MYO1F: variants seen among roughly 807,000 people sequenced by gnomAD.
MYO1F encodes the protein myosin IF.
A neutral mutation model predicts 146.6 loss-of-function variants in MYO1F; 60 were observed. The ratio of observed to expected loss-of-function variants is 0.41; its 90% confidence interval spans 0.33 to 0.51. The LOEUF is 0.51. MYO1F is among the 20% of genes least tolerant of loss of function. The pLI is 0.25. For missense variants in MYO1F, 1,274 were observed against 1,534.3 expected, an observed-to-expected ratio of 0.83 and a Z score of 2.83; for synonymous variants, 602 against 602.1, an observed-to-expected ratio of 1.00 and a Z score of 0.00.
At chr19:8,521,673 C>A in intron 27 of MYO1F, 69 bp from the exon 28 acceptor site, 1 of 1,438,870 alleles carries the variant, frequency 6.9e-7, no homozygotes. Context: ...CCTGGTCTGT[C>A]CATCTTGTTC....
chr19:8,535,006 G>T (rs956632820), intron 19 of MYO1F, among the ~76,000 whole-genome samples: 13 of 151,976 alleles, frequency 8.6e-5, no homozygotes, highest in African/African-American at 3.1e-4. Flanking sequence ...CTGCCTCCTG[G>T]GTTAAAGTGA....
rs1357494338 is a variant in MYO1F, at chr19:8,530,285, C to G, written c.2239G>C (p.Glu747Gln). 2.5e-6 allele frequency: 4 copies of G among 1,614,052 alleles called. No homozygotes were observed. The highest frequency in any genetic ancestry group is 2.5e-6 in the Non-Finnish European group (3 of 1,180,034). Residue 747 changes from glutamate (E) to glutamine (Q), a missense_variant, in exon 21 of 28, where the codon GAG becomes CAG. Glu to Gln is a conservative substitution (Grantham distance 29). This residue lies in a region of MYO1F where 900 missense variants were observed against 1,155.1 expected (regional missense o/e 0.78). Transcript: ENST00000644032. This position sits in a 1 kb window ranked among gnomAD's most constrained non-coding sequence, Gnocchi z 5.8. ...RNFVGDYLGLEERPELRQFLG... is the reference protein window; with the variant it reads ...RNFVGDYLGLQERPELRQFLG... ...AACTGACGCAGCTCGGGCCGCTCCT[C>G]CAGCCCCAGGTAGTCCCCGACGAAG...
chr19:8,566,630 C>T (rs2042010214), intron 1 of MYO1F, among the ~76,000 whole-genome samples: 1 of 151,530 alleles, frequency 6.6e-6, no homozygotes, highest in South Asian at 2.1e-4. Flanking sequence ...TCTCCTGCCT[C>T]AGTTTCCCAA....
chr19:8,544,278 G>A lies in MYO1F; in HGVS notation c.1524+19C>T, dbSNP rs751868286. ...GGTCTGCGAGGAGGCACAGGGTAGG[G>A]TAGGGGCAGGGGGCGCACCTTGCCA... On this transcript the variant is annotated intron_variant, in intron 14 of 27. Transcript: ENST00000644032. The A allele has an allele frequency of 1.9e-6, 3 of 1,612,358 alleles. No individual in the cohort carries two copies. Among genetic ancestry groups the A allele is most frequent in the African/African-American group, 1.3e-5 (1 of 74,730 alleles).
At chr19:8,522,077 T>C (rs961278897) in intron 27 of MYO1F, among the ~76,000 whole-genome samples, 1 of 150,108 alleles carries the variant, frequency 6.7e-6, no homozygotes, top group Non-Finnish European at 1.5e-5. Flanking sequence ...GGCTGGAGTG[T>C]GTTGGCGCAA....
At chr19:8,556,887 CAAAA>C (rs534645939) in intron 1 of MYO1F, among the ~76,000 whole-genome samples, 4 of 69,152 alleles carry the variant, frequency 5.8e-5, no homozygotes, top group Non-Finnish European at 1.6e-4. Context: ...AACTCTGTCT[CAAAA>C]AAAAAAAAAA....
chr19:8,539,886 C>G (rs1972884117), intron 16 of MYO1F, 61 bp downstream of exon 16: 2 of 1,447,622 alleles, frequency 1.4e-6, no homozygotes, highest in South Asian at 2.3e-5. Flanking sequence ...GTCCGGACCC[C>G]AGGTAGGGTG....
At chr19:8,522,972 A>ACTCTGCCGCTAGGAGGGC in intron 25 of MYO1F, 143 bp from the exon 26 acceptor site, 2 of 678,168 alleles carry the variant, frequency 2.9e-6, no homozygotes, top group Non-Finnish European at 5.1e-6. Flanking sequence ...AGACGGAGGG[A>ACTCTGCCGCTAGGAGGGC]CTCTGCCGCT....
At chr19:8,569,654 C>T (rs1240617592) in intron 1 of MYO1F, among the ~76,000 whole-genome samples, 1 of 152,084 alleles carries the variant, frequency 6.6e-6, no homozygotes, top group Non-Finnish European at 1.5e-5. Flanking sequence ...GAGACCATGG[C>T]TGGAAAGTAC....
intron 19 of MYO1F, among the ~76,000 whole-genome samples, chr19:8,535,202 G>A (rs1972654403): frequency 6.6e-6 from 1 of 152,038 alleles, no homozygotes; most frequent in Non-Finnish European, 1.5e-5. Context: ...GTGAGCCAGT[G>A]CGCCTGGCCA....
intron 1 of MYO1F, among the ~76,000 whole-genome samples, chr19:8,558,632 C>T (rs571484139): frequency 2.6e-5 from 4 of 152,124 alleles, no homozygotes; most frequent in Non-Finnish European, 5.9e-5. Context: ...CTATTCAACA[C>T]ATCTCTGCAA....
chr19:8,553,894 A>ACACACACACACACTCTCTCTCTCT, intron 4 of MYO1F, among the ~76,000 whole-genome samples: 54 of 102,652 alleles, frequency 5.3e-4, no homozygotes, highest in African/African-American at 2.0e-3. Flanking sequence ...ACACACACAC[A>ACACACACACACACTCTCTCTCTCT]CTCTCTCTCT....
chr19:8,526,755 C>CT lies in MYO1F; in HGVS notation c.2621+33_2621+34insA, dbSNP rs1972288164. The CT allele has an allele frequency of 1.0e-5, 16 of 1,583,944 alleles. No homozygotes were observed. The Admixed American group carries it at 2.4e-4, about 23-fold the overall frequency. On this transcript the variant is annotated intron_variant, in intron 23 of 27. Coordinates refer to ENST00000644032, the MANE Select transcript of MYO1F (RefSeq NM_012335.4). The stretch of plus-strand genomic sequence containing the variant: ...GAGAGGGTGCGCCGCGCCGAGACCA[C>CT]CCCGAGATGGTGCTGGGGTTGGCGG...
At chr19:8,550,485 C>T (rs1973557853) in intron 9 of MYO1F, 77 bp downstream of exon 9, 1 of 1,612,630 alleles carries the variant, frequency 6.2e-7, no homozygotes, top group Non-Finnish European at 8.5e-7. Flanking sequence ...CTTTCAGCTT[C>T]CTGGGGGCTG....
Position 8,526,339 on chromosome 19 carries a change from A to G in MYO1F, c.2770+114T>C, listed in dbSNP as rs1278247027. On this transcript the variant is annotated intron_variant, in intron 24 of 27. Transcript: ENST00000644032. ...GAGACTCCGTCTTAAAAAAACCACA[A>G]AACTCAAAAGTCTCTCTCTCTCTCT... 94 of 1,471,246 alleles carry G rather than the reference A, an allele frequency of 6.4e-5. 1 individual carries two copies. The highest frequency in any genetic ancestry group is 8.1e-5 in the Non-Finnish European group (89 of 1,092,718). 91.1% of individuals were successfully genotyped at this position (1,471,246 alleles called of 1,614,324 possible). A position where few individuals can be genotyped will look rare whatever the true frequency, so the allele number is the denominator to read the frequency against.
rs78478432 is a variant in MYO1F at position 8,548,279 on chromosome 19, G to A, written c.1140C>T (p.Tyr380=). 1.3e-4 allele frequency: 216 copies of A among 1,613,964 alleles called. No individual in the cohort carries two copies. The African/African-American group carries it at 2.2e-3, about 17-fold the overall frequency. The change falls in exon 11 of 28, where the codon TAC becomes TAT. Residue 380 remains tyrosine (Y), a synonymous_variant. Transcript: ENST00000644032. The part of the protein sequence containing the change: ...NRAMQKPQEE[Y]SIGVLDIYGF... Reference sequence around the variant, plus strand: ...CGTAAATGTCCAGCACACCGATGCTGTACTCTTCCTGGGGTTTCTGCATAG... The same window carrying A: ...CGTAAATGTCCAGCACACCGATGCTATACTCTTCCTGGGGTTTCTGCATAG...
intron 12 of MYO1F, 40 bp downstream of exon 12, chr19:8,547,996 C>CCCCCCCCCAAA: frequency 2.7e-6 from 3 of 1,100,026 alleles, no homozygotes; most frequent in Non-Finnish European, 4.2e-6. Context: ...ACCCCACCCC[C>CCCCCCCCCAAA]ACCCCAGGAT....
chr19:8,556,506 GAGAA>G (rs1427056082), intron 1 of MYO1F, among the ~76,000 whole-genome samples: 6 of 119,204 alleles, frequency 5.0e-5, no homozygotes, highest in Admixed American at 4.1e-4. Flanking sequence ...AAGAAAGAAA[GAGAA>G]AGAAAGAGAA....
At chr19:8,549,107 C>T (rs538489296) in intron 10 of MYO1F, among the ~76,000 whole-genome samples, 5 of 151,880 alleles carry the variant, frequency 3.3e-5, no homozygotes, top group Non-Finnish European at 5.9e-5. Context: ...TGCGCCACCA[C>T]GCCCGGCTAA....
Sources: allele counts gnomAD v4.1 joint callset (sites outside exome capture counted in the v4.1 genomes callset), GRCh38; gene constraint gnomAD v4.1.1; regional missense constraint gnomAD v4.1.1; non-coding constraint Gnocchi (gnomAD v3.1); transcripts MANE v1.5; gene names NCBI Gene and HGNC (gene_info 2026-07-23, HGNC 2026-07-21).